The following ZNF385D variants were observed in gnomAD, a reference collection of about 807,000 sequenced individuals.
ZNF385D encodes zinc finger protein 385D, also known as zinc finger protein 659.
ZNF385D carries 15 observed loss-of-function variants against 35.8 expected under a neutral mutation model. The observed-to-expected ratio is 0.42, with a 90% CI of 0.28 to 0.64. ZNF385D has a LOEUF of 0.64. ZNF385D is among the 30% of genes least tolerant of loss of function. ZNF385D has a pLI of 0.23. For synonymous variants in ZNF385D, 212 were observed against 186.8 expected, an observed-to-expected ratio of 1.13 and a Z score of -1.10; for missense variants, 474 against 494.6, an observed-to-expected ratio of 0.96 and a Z score of 0.39.
At chr3:21,438,355 C>A (rs1426598634) in intron 4 of ZNF385D, among the ~76,000 whole-genome samples, 1 of 152,116 alleles carries the variant, frequency 6.6e-6, no homozygotes, top group African/African-American at 2.4e-5. Flanking sequence ...TAATGCTACA[C>A]TGAAAAGTCC....
intron 3 of ZNF385D, among the ~76,000 whole-genome samples, chr3:22,135,745 A>G (rs1426475612): frequency 2.6e-5 from 4 of 152,356 alleles, no homozygotes; most frequent in Middle Eastern, 3.4e-3. Context: ...ATAGAACTAC[A>G]GTAATTGGCC....
rs367610717 is a variant in ZNF385D, at chr3:21,949,668, T to C, written c.325+219149A>G. Among the ~76,000 whole-genome samples, 9 of 150,946 alleles carry C rather than the reference T, an allele frequency of 6.0e-5. No individual in the cohort carries two copies. In the East Asian group the frequency reaches 1.6e-3, roughly 27 times the overall value. ...GTTTGCTGCACCCATCAACCCATCA[T>C]CTACATTAGGTATTTCTCCTAATGC... On this transcript the variant is annotated intron_variant, in intron 3 of 5. Transcript: ENST00000494108.
At chr3:21,529,084 A>G (rs1231688168) in intron 3 of ZNF385D, among the ~76,000 whole-genome samples, 1 of 152,158 alleles carries the variant, frequency 6.6e-6, no homozygotes, top group Non-Finnish European at 1.5e-5. Context: ...GTGTGTGGAT[A>G]AACCCAAATC....
chr3:21,617,334 T>C (rs551802679), intron 2 of ZNF385D, among the ~76,000 whole-genome samples: 120 of 152,280 alleles, frequency 7.9e-4, no homozygotes, highest in African/African-American at 2.7e-3. Context: ...ACTAGGTTTG[T>C]GAGAACTGGG....
At chr3:22,153,816 C>G (rs1705417311) in intron 3 of ZNF385D, among the ~76,000 whole-genome samples, 1 of 152,004 alleles carries the variant, frequency 6.6e-6, no homozygotes. Context: ...AATTGTGTGG[C>G]TGGTCTCATA....
At chr3:21,952,157 A>G (rs968234978) in intron 3 of ZNF385D, among the ~76,000 whole-genome samples, 3 of 152,036 alleles carry the variant, frequency 2.0e-5, no homozygotes, top group Non-Finnish European at 4.4e-5. Context: ...TGTAGTAACT[A>G]TGATGGTTTC....
chr3:21,840,732 T>C (rs1298511103), intron 3 of ZNF385D, among the ~76,000 whole-genome samples: 4 of 152,038 alleles, frequency 2.6e-5, no homozygotes, highest in African/African-American at 9.7e-5. Context: ...TATTTATACA[T>C]TTGCTTTTGG....
At chr3:21,491,652 A>G (rs927905817) in intron 4 of ZNF385D, among the ~76,000 whole-genome samples, 1 of 152,166 alleles carries the variant, frequency 6.6e-6, no homozygotes, top group African/African-American at 2.4e-5. Context: ...CTGTTTTGGT[A>G]AAGAAACTTT....
At chr3:21,435,598 T>A (rs577167305) in intron 5 of ZNF385D, among the ~76,000 whole-genome samples, 91 of 152,250 alleles carry the variant, frequency 6.0e-4, no homozygotes, top group African/African-American at 2.1e-3. Context: ...TCAAAGGACA[T>A]GGTGTGTTTA....
intron 3 of ZNF385D, among the ~76,000 whole-genome samples, chr3:21,919,103 TTC>T (rs1328268738): frequency 3.9e-5 from 6 of 152,226 alleles, no homozygotes; most frequent in Non-Finnish European, 1.5e-5. Context: ...TCTTGTATCT[TTC>T]TCTGATAGTG....
chr3:22,036,163 T>C (rs887366912), intron 3 of ZNF385D, among the ~76,000 whole-genome samples: 1 of 152,168 alleles, frequency 6.6e-6, no homozygotes, highest in Non-Finnish European at 1.5e-5. Context: ...GTAGAAGTTA[T>C]ATCAATTGAG....
intron 3 of ZNF385D, among the ~76,000 whole-genome samples, chr3:21,555,074 G>A (rs767965736): frequency 6.6e-6 from 1 of 152,086 alleles, no homozygotes; most frequent in Non-Finnish European, 1.5e-5. Context: ...TTAGCTAACC[G>A]CTTGGCACAA....
At chr3:22,320,157 T>C (rs775983688) in intron 2 of ZNF385D, among the ~76,000 whole-genome samples, 15 of 152,034 alleles carry the variant, frequency 9.9e-5, no homozygotes, top group Non-Finnish European at 2.1e-4. Context: ...AATAAGGTCT[T>C]AGAGAAAACC....
At chr3:21,581,777 A>T (rs139746413) in intron 2 of ZNF385D, among the ~76,000 whole-genome samples, 2 of 152,314 alleles carry the variant, frequency 1.3e-5, no homozygotes, top group Non-Finnish European at 2.9e-5. Context: ...TAAAATGCTT[A>T]CCAAGTATTT....
At chr3:22,333,824 A>G (rs1695045306) in intron 2 of ZNF385D, among the ~76,000 whole-genome samples, 1 of 152,176 alleles carries the variant, frequency 6.6e-6, no homozygotes, top group African/African-American at 2.4e-5. Flanking sequence ...CCTTGGGTGG[A>G]AGCTGGTGGA....
chr3:22,329,594 T>G (rs1694840565), intron 2 of ZNF385D, among the ~76,000 whole-genome samples: 1 of 152,158 alleles, frequency 6.6e-6, no homozygotes, highest in Non-Finnish European at 1.5e-5. Context: ...AGAAAAAAAT[T>G]TACTAATGGC....
At position 21,794,393 on chromosome 3, in the gene ZNF385D, T is replaced by C. The variant is rs562229244; in HGVS notation, c.326-129365A>G. Among the ~76,000 whole-genome samples, 354 of 152,162 alleles carry C rather than the reference T, an allele frequency of 2.3e-3. 4 individuals are homozygous for C. Among genetic ancestry groups the C allele is most frequent in the African/African-American group, 8.1e-3 (335 of 41,508 alleles). On this transcript the variant is annotated intron_variant, in intron 3 of 5. Coordinates refer to the ZNF385D transcript ENST00000494108. ...GAAAGCTAGAGTTGCCAGAGTGTCA[T>C]TGAAACGACAGAAAACACAGTGGAT...
At chr3:22,184,507 A>G (rs1423180446) in intron 2 of ZNF385D, among the ~76,000 whole-genome samples, 2 of 152,146 alleles carry the variant, frequency 1.3e-5, no homozygotes, top group East Asian at 3.9e-4. Flanking sequence ...CAGAAACAAA[A>G]GACTTGATGG....
intron 2 of ZNF385D, among the ~76,000 whole-genome samples, chr3:21,629,671 G>A (rs1471139670): frequency 6.6e-6 from 1 of 152,054 alleles, no homozygotes; most frequent in African/African-American, 2.4e-5. Context: ...CAAAAGATGG[G>A]GAGCCTCCCC....
Sources: allele counts gnomAD v4.1 joint callset (sites outside exome capture counted in the v4.1 genomes callset), GRCh38; gene constraint gnomAD v4.1.1; transcripts MANE v1.5; gene names NCBI Gene and HGNC (gene_info 2026-07-23, HGNC 2026-07-21).